MUC15: variants seen among roughly 807,000 people sequenced by gnomAD.
MUC15 encodes the protein mucin-15.
A neutral mutation model predicts 24.0 loss-of-function variants in MUC15; 23 were observed. The observed-to-expected ratio is 0.96, with a 90% CI of 0.69 to 1.36. The LOEUF (loss-of-function observed/expected upper bound fraction) is 1.36. MUC15 is among the 40% of genes most tolerant of loss of function. MUC15 has a pLI of 0.00. For missense variants in MUC15, 442 were observed against 428.2 expected (o/e 1.03, Z -0.29); for synonymous variants, 151 against 156.3 (o/e 0.97, Z 0.25).
chr11:26,561,682 G>T (rs75525455), intron 4 of MUC15, among the ~76,000 whole-genome samples: 1 of 151,852 alleles, frequency 6.6e-6, no homozygotes, highest in African/African-American at 2.4e-5. Flanking sequence ...AACCATTTAA[G>T]GTGGAGGAGA....
chr11:26,570,718 T>C (rs1850790044), intron 1 of MUC15, among the ~76,000 whole-genome samples: 1 of 152,180 alleles, frequency 6.6e-6, no homozygotes, highest in Non-Finnish European at 1.5e-5. Context: ...ATGGGTTTTG[T>C]TTGTCTCTCA....
chr11:26,570,993 G>T (rs1267592675), intron 1 of MUC15, among the ~76,000 whole-genome samples: 2 of 151,966 alleles, frequency 1.3e-5, no homozygotes, highest in African/African-American at 4.8e-5. Context: ...AAATAAAAAA[G>T]AAAAGACTGG....
chr11:26,567,659 G>T (rs1850644926), intron 1 of MUC15, among the ~76,000 whole-genome samples: 1 of 151,872 alleles, frequency 6.6e-6, no homozygotes. Context: ...TAGACATATT[G>T]TATCTTCCAT....
At chr11:26,562,840 C>A (rs532453372) in intron 4 of MUC15, among the ~76,000 whole-genome samples, 15 of 151,986 alleles carry the variant, frequency 9.9e-5, no homozygotes, top group African/African-American at 3.4e-4. Flanking sequence ...TCATTATCTT[C>A]CAATTTTATA....
chr11:26,565,875 A>G lies in MUC15; in HGVS notation c.65T>C (p.Ile22Thr), dbSNP rs1554971131. Reference sequence around the variant, plus strand: ...GGCCAACATTGTAGGCTTCTTTGGTATTGGTTTTTTTTTAAAGGAATCTGA... The same window carrying G: ...GGCCAACATTGTAGGCTTCTTTGGTGTTGGTTTTTTTTTAAAGGAATCTGA... The part of the protein sequence containing the change: ...RDCYSFKKKP[I>T]PKKPTMLALA... The change falls in exon 3 of 5, where the codon ATA (isoleucine) becomes ACA (threonine). Residue 22 changes from isoleucine to threonine, a missense_variant. Transcript: ENST00000529533. 1.1e-5 allele frequency: 17 copies of G among 1,579,750 alleles called. No individual in the cohort carries two copies. Among genetic ancestry groups the G allele is most frequent in the Admixed American group, 6.1e-5 (3 of 49,252 alleles).
In MUC15 at chr11:26,565,300, G is replaced by A; in HGVS notation, c.640C>T (p.Pro214Ser). The change falls in exon 3 of 5, where the codon CCA becomes TCA. Residue 214 changes from proline to serine, a missense_variant. Transcript: ENST00000529533. ...SPSVTPLIVE[P>S]SGWLTTNSDS... ...CTGTTTGTGGTAAGCCATCCACTTG[G>A]TTCCACTATCAAGGGGGTCACAGAT... is the stretch of plus-strand genomic sequence containing the variant. The A allele has an allele frequency of 6.2e-7, 1 of 1,609,370 alleles. No homozygotes were observed. Among genetic ancestry groups the A allele is most frequent in the Non-Finnish European group, 8.5e-7 (1 of 1,177,216 alleles).
chr11:26,566,209 T>C (rs1384384276), intron 2 of MUC15, among the ~76,000 whole-genome samples: 1 of 151,834 alleles, frequency 6.6e-6, no homozygotes, highest in Non-Finnish European at 1.5e-5. Flanking sequence ...ACCCACCCAC[T>C]CACACATACA....
At chr11:26,561,443 G>C (rs148474218) in intron 4 of MUC15, among the ~76,000 whole-genome samples, 12 of 151,838 alleles carry the variant, frequency 7.9e-5, no homozygotes, top group African/African-American at 2.9e-4. Context: ...AAATTTTACT[G>C]TTGATGGACT....
rs1850264483 is a variant in MUC15, at chr11:26,560,975, G to A, written c.*90C>T. On this transcript the variant is annotated 3_prime_UTR_variant, in exon 5 of 5. Coordinates refer to ENST00000529533, the MANE Select transcript of MUC15 (RefSeq NM_001135091.2). ...TCTCCTTGACAAAATCCACGTGACAGTAATTTTGTGTAACCTTTTGAAAGA... is the reference window on the plus strand; with the variant it reads ...TCTCCTTGACAAAATCCACGTGACAATAATTTTGTGTAACCTTTTGAAAGA... 1.5e-6 allele frequency: 2 copies of A among 1,291,648 alleles called. No individual in the cohort carries two copies. The highest frequency in any genetic ancestry group is 1.4e-5 in the South Asian group (1 of 72,802). The allele number at this position is 1,291,648 out of a possible 1,614,324, so 80.0% of individuals were successfully genotyped here.
Position 26,565,303 on chromosome 11 carries a change from C to T in MUC15, c.637G>A (p.Glu213Lys), listed in dbSNP as rs1244661946. 2 of 1,597,468 alleles carry T rather than the reference C, an allele frequency of 1.3e-6. No individual in the cohort carries two copies. Among genetic ancestry groups the T allele is most frequent in the East Asian group, 4.5e-5 (2 of 44,228 alleles). ...TTTGTGGTAAGCCATCCACTTGGTT[C>T]CACTATCAAGGGGGTCACAGATGGA... The part of the protein sequence containing the change: ...TSPSVTPLIV[E>K]PSGWLTTNSD... The change falls in exon 3 of 5, where the codon GAA becomes AAA. Residue 213 changes from glutamate (E) to lysine (K), a missense_variant. By Grantham distance (56) the Glu-to-Lys change is moderately conservative (BLOSUM62 1). Coordinates refer to ENST00000529533, the MANE Select transcript of MUC15 (RefSeq NM_001135091.2).
chr11:26,565,695 A>C lies in MUC15; in HGVS notation c.245T>G (p.Leu82Ter). ...GGTTATATTTTCTTTATCTGAGTTTAAGTTTGCTTCACTTTCCAAAGAAAT... is the reference window on the plus strand; with the variant it reads ...GGTTATATTTTCTTTATCTGAGTTTCAGTTTGCTTCACTTTCCAAAGAAAT... Reference protein sequence around the residue: ...KPISLESEANLNSDKENITTS... With the variant: ...KPISLESEAN Residue 82 changes from leucine to a stop codon, truncating the protein, a stop_gained, in exon 3 of 5, where the codon TTA becomes TGA. Coordinates refer to ENST00000529533, the MANE Select transcript of MUC15 (RefSeq NM_001135091.2). LOFTEE classifies it high-confidence loss of function. The C allele has an allele frequency of 6.2e-7, 1 of 1,613,224 alleles. No homozygotes were observed. The highest frequency in any genetic ancestry group is 8.5e-7 in the Non-Finnish European group (1 of 1,179,460).
At chr11:26,564,720 CACACACACACACATATATATATATATAT>C (rs1198837166) in intron 3 of MUC15, among the ~76,000 whole-genome samples, 5 of 75,620 alleles carry the variant, frequency 6.6e-5, no homozygotes, top group East Asian at 4.2e-4. Context: ...CACACACACA[CACACACACACACATATATATATATATAT>C]ATATATATAT....
Position 26,560,142 on chromosome 11 carries a change from T to C in MUC15, c.*923A>G, listed in dbSNP as rs957700243. The C allele has an allele frequency of 5.3e-6, 1 of 190,202 alleles. No homozygotes were observed. Among genetic ancestry groups the C allele is most frequent in the Non-Finnish European group, 1.1e-5 (1 of 91,818 alleles). 11.8% of individuals were successfully genotyped at this position (190,202 alleles called of 1,614,324 possible). A position where few individuals can be genotyped will look rare whatever the true frequency, so the allele number is the denominator to read the frequency against. On this transcript the variant is annotated 3_prime_UTR_variant, in exon 5 of 5. Coordinates refer to ENST00000529533, the MANE Select transcript of MUC15 (RefSeq NM_001135091.2). ...AGTAAAAAGTTGTTTGATATTTCCA[T>C]TCATCTTTTTTAACCTTATGGTTCA...
chr11:26,564,765 A>G lies in MUC15; in HGVS notation c.775+400T>C, dbSNP rs1458956429. On this transcript the variant is annotated intron_variant, in intron 3 of 4. Coordinates refer to ENST00000529533, the MANE Select transcript of MUC15 (RefSeq NM_001135091.2). ...TATATATATATATATATATATATAT[A>G]TATATATATATATATATATAAGTTC... Among the ~76,000 whole-genome samples, 4 of 101,496 alleles carry G rather than the reference A, an allele frequency of 3.9e-5. No homozygotes were observed. In the East Asian group the frequency reaches 9.9e-4, roughly 25 times the overall value. The allele number at this position is 101,496 out of a possible 152,430, so 66.6% of individuals were successfully genotyped here. A position where few individuals can be genotyped will look rare whatever the true frequency, so the allele number is the denominator to read the frequency against.
intron 1 of MUC15, 42 bp downstream of exon 1, chr11:26,571,999 A>G: frequency 1.3e-6 from 1 of 769,944 alleles, no homozygotes; most frequent in Non-Finnish European, 1.6e-6. Flanking sequence ...AGAGAGTGAA[A>G]GAGAGAAAGC....
rs1410943300 is a variant in MUC15 at position 26,562,972 on chromosome 11, C to G, written c.925+144G>C. On this transcript the variant is annotated intron_variant, in intron 4 of 4. Transcript: ENST00000529533. ...TATTTTGGTTTTGTTCTTTGATAAA[C>G]AGAAGGTGGATCAGAATAAGTCTTT... The G allele has an allele frequency of 8.5e-6, 10 of 1,174,238 alleles. No homozygotes were observed. In the East Asian group the frequency reaches 2.5e-4, roughly 30 times the overall value. 72.7% of individuals were successfully genotyped at this position (1,174,238 alleles called of 1,614,324 possible).
intron 1 of MUC15, among the ~76,000 whole-genome samples, chr11:26,567,675 A>G (rs1850646383): frequency 6.6e-6 from 1 of 152,016 alleles, no homozygotes; most frequent in Non-Finnish European, 1.5e-5. Flanking sequence ...TCCATGCCCT[A>G]TGGTTATCAC....
At chr11:26,563,452 G>C (rs1288483010) in intron 3 of MUC15, among the ~76,000 whole-genome samples, 187 bp from the exon 4 acceptor site, 1 of 149,628 alleles carries the variant, frequency 6.7e-6, no homozygotes, top group Non-Finnish European at 1.5e-5. Context: ...TACTATTTGG[G>C]ATATATGGGC....
chr11:26,571,608 T>TCTAATACTTAAAGCAAAAACCTTTCAG (rs1850831077), intron 1 of MUC15, among the ~76,000 whole-genome samples: 1 of 152,110 alleles, frequency 6.6e-6, no homozygotes, highest in African/African-American at 2.4e-5. Flanking sequence ...AGCAAAAACC[T>TCTAATACTTAAAGCAAAAACCTTTCAG]CTAATACTTA....
Sources: gnomAD v4.1 joint callset for allele counts (sites outside exome capture counted in the v4.1 genomes callset) on GRCh38, gnomAD v4.1.1 for gene constraint, MANE v1.5 for transcripts, NCBI Gene and HGNC (gene_info 2026-07-23, HGNC 2026-07-21) for gene names.